Variants in MAPRE3 observed in about 807,000 individuals in gnomAD.
MAPRE3 encodes microtubule-associated protein RP/EB family member 3.
Under a neutral mutation model 30.5 loss-of-function variants are expected in MAPRE3, and 2 were observed. The observed-to-expected ratio is 0.07, with a 90% CI of 0.03 to 0.21. The LOEUF is 0.21. Ranked by LOEUF, MAPRE3 falls within the 10% of genes least tolerant of loss-of-function variation. The probability of loss-of-function intolerance (pLI) is 1.00; values close to 1 mark genes in which losing one functional copy is unlikely to be tolerated. For synonymous variants in MAPRE3, 110 were observed against 127.7 expected, an observed-to-expected ratio of 0.86 and a Z score of 0.93; for missense variants, 204 against 351.8, an observed-to-expected ratio of 0.58 and a Z score of 3.36.
At chr2:26,971,539 A>G (rs1244173698) in intron 1 of MAPRE3, among the ~76,000 whole-genome samples, 2 of 150,826 alleles carry the variant, frequency 1.3e-5, no homozygotes, top group Non-Finnish European at 2.9e-5. Flanking sequence ...AAGGGAGAAG[A>G]GGTTGCGTTT....
At chr2:27,024,322 G>T in intron 4 of MAPRE3, 25 bp downstream of exon 4, 1 of 1,606,034 alleles carries the variant, frequency 6.2e-7, no homozygotes, top group South Asian at 1.1e-5. Context: ...CCGGGGGAGG[G>T]AGCGTGGGGG....
At chr2:26,992,999 T>C (rs1056564547) in intron 1 of MAPRE3, among the ~76,000 whole-genome samples, 4 of 152,218 alleles carry the variant, frequency 2.6e-5, no homozygotes, top group African/African-American at 9.7e-5. Context: ...GTCATAGGGA[T>C]TGTATAGCTC....
intron 1 of MAPRE3, among the ~76,000 whole-genome samples, chr2:26,996,545 G>A (rs1370757270): frequency 3.9e-5 from 6 of 152,126 alleles, no homozygotes; most frequent in African/African-American, 1.4e-4. Context: ...GTTTAAGCCT[G>A]TAATCCCATC....
intron 1 of MAPRE3, among the ~76,000 whole-genome samples, chr2:27,004,345 A>G (rs1666674724): frequency 2.0e-5 from 3 of 152,070 alleles, no homozygotes; most frequent in Admixed American, 6.6e-5. Flanking sequence ...TGAATTCTCT[A>G]TTTCCCCTAT....
Position 27,026,361 on chromosome 2 carries a change from C to A in MAPRE3, c.*13C>A. 6.2e-7 allele frequency: 1 copy of A among 1,608,650 alleles called. No individual in the cohort carries two copies. Among genetic ancestry groups the A allele is most frequent in the Non-Finnish European group, 8.5e-7 (1 of 1,176,526 alleles). On this transcript the variant is annotated 3_prime_UTR_variant, in exon 7 of 7. Coordinates refer to ENST00000233121, the MANE Select transcript of MAPRE3 (RefSeq NM_012326.4). Reference sequence around the variant, plus strand: ...GGACGAGTACTGAGGGCGGCCGCAGCCCTGGCTGACTGCACAGCTTCCCCG... The same window carrying A: ...GGACGAGTACTGAGGGCGGCCGCAGACCTGGCTGACTGCACAGCTTCCCCG...
chr2:27,020,414 G>A (rs963486479), intron 1 of MAPRE3, among the ~76,000 whole-genome samples: 7 of 152,108 alleles, frequency 4.6e-5, no homozygotes, highest in African/African-American at 1.4e-4. Context: ...CACAATTCTC[G>A]GAAAACACAG....
rs72852920 is a variant in MAPRE3, at chr2:26,975,038, C to T, written c.-8+4236C>T. Among the ~76,000 whole-genome samples, 397 of 152,256 alleles carry T rather than the reference C, an allele frequency of 2.6e-3. 2 individuals carry two copies. Among genetic ancestry groups the T allele is most frequent in the African/African-American group, 7.2e-3 (299 of 41,548 alleles). On this transcript the variant is annotated intron_variant, in intron 1 of 6. Coordinates refer to ENST00000233121, the MANE Select transcript of MAPRE3 (RefSeq NM_012326.4). ...GCATTATTATTTCAACTGCCAAAACCGGAGTATATGAAATGTATCTTTGCT... is the reference window on the plus strand; with the variant it reads ...GCATTATTATTTCAACTGCCAAAACTGGAGTATATGAAATGTATCTTTGCT...
intron 1 of MAPRE3, among the ~76,000 whole-genome samples, chr2:26,976,588 C>T (rs749070704): frequency 7.2e-5 from 11 of 152,228 alleles, no homozygotes; most frequent in Non-Finnish European, 1.5e-4. Flanking sequence ...CTTTGCTAAA[C>T]TGACCAGATG....
At chr2:26,992,229 A>ATTTTTTT (rs34619033) in intron 1 of MAPRE3, among the ~76,000 whole-genome samples, 1 of 146,692 alleles carries the variant, frequency 6.8e-6, no homozygotes, top group Non-Finnish European at 1.5e-5. Flanking sequence ...TTACCAGATA[A>ATTTTTTT]TTTTTTTTTT....
intron 1 of MAPRE3, among the ~76,000 whole-genome samples, chr2:27,019,203 A>G (rs946966769): frequency 2.6e-5 from 4 of 151,918 alleles, no homozygotes; most frequent in African/African-American, 9.7e-5. Context: ...TCTCACACAC[A>G]TGATTTCAAC....
At chr2:27,001,523 T>TAGATAGATAACTGATAGATAGGC (rs1163416488) in intron 1 of MAPRE3, among the ~76,000 whole-genome samples, 3 of 152,072 alleles carry the variant, frequency 2.0e-5, no homozygotes, top group Non-Finnish European at 4.4e-5. Context: ...GATAGATAGA[T>TAGATAGATAACTGATAGATAGGC]AGATAGATAA....
Position 27,023,407 on chromosome 2 carries a change from A to G in MAPRE3, c.197A>G (p.Lys66Arg), listed in dbSNP as rs1237736375. 3.1e-6 allele frequency: 5 copies of G among 1,613,994 alleles called. No homozygotes were observed. Residue 66 changes from lysine (K) to arginine (R), a missense_variant, in exon 3 of 7, where the codon AAA becomes AGA. Physicochemically the swap from Lys to Arg is conservative, Grantham distance 26. This residue lies in a region of MAPRE3 where 101 missense variants were observed against 205.4 expected (regional missense o/e 0.49). Coordinates refer to ENST00000233121, the MANE Select transcript of MAPRE3 (RefSeq NM_012326.4). ...TTGAGGAAAGTGAAGTTCCAGGCCA[A>G]ACTAGAGCACGAATACATCCACAAC... Reference protein sequence around the residue: ...VHLRKVKFQAKLEHEYIHNFK... With the variant: ...VHLRKVKFQARLEHEYIHNFK...
chr2:26,989,982 A>G (rs926517358), intron 1 of MAPRE3, among the ~76,000 whole-genome samples: 4 of 152,154 alleles, frequency 2.6e-5, no homozygotes, highest in Non-Finnish European at 4.4e-5. Flanking sequence ...AGCTCAAGAC[A>G]AGCCTAGACA....
At chr2:26,999,517 G>GTTTTTA (rs1558378424) in intron 1 of MAPRE3, among the ~76,000 whole-genome samples, 2 of 117,978 alleles carry the variant, frequency 1.7e-5, no homozygotes, top group Non-Finnish European at 3.3e-5. Context: ...TTTTTTTTTG[G>GTTTTTA]GATGGAGTTT....
intron 3 of MAPRE3, 54 bp downstream of exon 3, chr2:27,023,531 A>G: frequency 1.2e-6 from 2 of 1,608,606 alleles, no homozygotes; most frequent in Admixed American, 1.7e-5. Flanking sequence ...CTGGGGAAGA[A>G]GAGGACCCAC....
chr2:26,997,158 G>A (rs751659804), intron 1 of MAPRE3, among the ~76,000 whole-genome samples: 1 of 152,124 alleles, frequency 6.6e-6, no homozygotes, highest in Non-Finnish European at 1.5e-5. Flanking sequence ...TGGCACCAAG[G>A]TTTTGTGGAA....
At chr2:26,999,246 C>T (rs1666532635) in intron 1 of MAPRE3, among the ~76,000 whole-genome samples, 2 of 152,056 alleles carry the variant, frequency 1.3e-5, no homozygotes, top group Admixed American at 6.5e-5. Flanking sequence ...GTAACTAAAG[C>T]AGTGTTTTTG....
At chr2:27,001,563 G>A (rs544403917) in intron 1 of MAPRE3, among the ~76,000 whole-genome samples, 14 of 152,080 alleles carry the variant, frequency 9.2e-5, no homozygotes, top group Non-Finnish European at 1.9e-4. Flanking sequence ...TTGATAGATA[G>A]GTACGTAGAT....
chr2:27,023,915 T>C, intron 3 of MAPRE3, 181 bp from the exon 4 acceptor site: 1 of 589,326 alleles, frequency 1.7e-6, no homozygotes, highest in Non-Finnish European at 3.0e-6. Context: ...CCTCTGGATC[T>C]GACACTAGGG....
Sources: allele counts gnomAD v4.1 joint callset (sites outside exome capture counted in the v4.1 genomes callset), GRCh38; gene constraint gnomAD v4.1.1; regional missense constraint gnomAD v4.1.1; transcripts MANE v1.5; gene names NCBI Gene and HGNC (gene_info 2026-07-23, HGNC 2026-07-21).